The following SIPA1L1 variants were observed in gnomAD, a reference collection of about 807,000 sequenced individuals.
SIPA1L1 encodes signal induced proliferation associated 1 like 1, also known as signal-induced proliferation-associated 1-like protein 1.
Under a neutral mutation model 162.7 loss-of-function variants are expected in SIPA1L1, and 26 were observed. The observed-to-expected ratio is 0.16, with a 90% CI of 0.12 to 0.22. The LOEUF is 0.22. Among genes scored for constraint, SIPA1L1 ranks in the 10% least tolerant of loss-of-function variants. SIPA1L1 has a pLI of 1.00. For missense variants in SIPA1L1, 1,874 were observed against 2,241.0 expected (o/e 0.84, Z 3.31); for synonymous variants, 829 against 837.4 (o/e 0.99, Z 0.17).
intron 7 of SIPA1L1, among the ~76,000 whole-genome samples, chr14:71,630,429 A>T (rs903637020): frequency 6.6e-6 from 1 of 152,346 alleles, no homozygotes; most frequent in African/African-American, 2.4e-5. Context: ...TTTGGAAGAC[A>T]TGCGGCTGTG....
intron 4 of SIPA1L1, among the ~76,000 whole-genome samples, chr14:71,560,136 A>G (rs576304244): frequency 3.3e-5 from 5 of 152,310 alleles, no homozygotes; most frequent in African/African-American, 7.2e-5. Flanking sequence ...AATATTGTCT[A>G]CTTTTAGTAA....
intron 4 of SIPA1L1, among the ~76,000 whole-genome samples, chr14:71,543,960 T>TGTGTATATATACACATACGCAC (rs2054781451): frequency 6.7e-6 from 1 of 149,644 alleles, no homozygotes; most frequent in Non-Finnish European, 1.5e-5. Flanking sequence ...TACGCACATG[T>TGTGTATATATACACATACGCAC]ATGTATATAT....
At chr14:71,682,612 T>A (rs2149521969) in intron 12 of SIPA1L1, among the ~76,000 whole-genome samples, 1 of 152,352 alleles carries the variant, frequency 6.6e-6, no homozygotes, top group East Asian at 1.9e-4. Flanking sequence ...AGTTATATGT[T>A]ATGAGTGGTG....
chr14:71,640,202 G>A (rs533350643), intron 7 of SIPA1L1, among the ~76,000 whole-genome samples: 63 of 151,856 alleles, frequency 4.1e-4, no homozygotes, highest in Non-Finnish European at 7.2e-4. Flanking sequence ...CCAGGCCCCC[G>A]GCCTAAACCT....
intron 2 of SIPA1L1, among the ~76,000 whole-genome samples, chr14:71,340,595 AC>A (rs2035547438): frequency 6.6e-6 from 1 of 151,310 alleles, no homozygotes; most frequent in Non-Finnish European, 1.5e-5. Context: ...TGCTCCCCTA[AC>A]TTTCTGATGC....
intron 17 of SIPA1L1, among the ~76,000 whole-genome samples, chr14:71,721,911 G>A (rs963177139): frequency 6.6e-6 from 1 of 152,220 alleles, no homozygotes; most frequent in African/African-American, 2.4e-5. Flanking sequence ...GTCAGCTGGT[G>A]GCAGAACCAG....
chr14:71,572,472 A>G (rs1248821236), intron 4 of SIPA1L1, among the ~76,000 whole-genome samples: 1 of 152,234 alleles, frequency 6.6e-6, no homozygotes, highest in African/African-American at 2.4e-5. Flanking sequence ...GTAGTGGTCC[A>G]TCCAGGTGAG....
intron 10 of SIPA1L1, among the ~76,000 whole-genome samples, chr14:71,664,223 A>G (rs1244691467): frequency 6.6e-6 from 1 of 152,044 alleles, no homozygotes; most frequent in Non-Finnish European, 1.5e-5. Context: ...ACACCTGTGA[A>G]TTTTTCTCAA....
chr14:71,646,370 G>T (rs1366744153), intron 7 of SIPA1L1, among the ~76,000 whole-genome samples: 1 of 152,130 alleles, frequency 6.6e-6, no homozygotes, highest in Non-Finnish European at 1.5e-5. Flanking sequence ...TAGAGACGGG[G>T]TTTCACCGTG....
intron 4 of SIPA1L1, among the ~76,000 whole-genome samples, chr14:71,545,227 A>C (rs2055076017): frequency 6.6e-6 from 1 of 152,082 alleles, no homozygotes; most frequent in African/African-American, 2.4e-5. Context: ...TTTTAGAATC[A>C]TTTGTCATTA....
At chr14:71,330,361 C>T (rs2034375974) in intron 2 of SIPA1L1, 6 of 890,274 alleles carry the variant, frequency 6.7e-6, no homozygotes, top group Admixed American at 3.4e-5. Flanking sequence ...CTCTTTTTGG[C>T]GATGAAAATT....
At chr14:71,364,748 A>ATT (rs35338562) in intron 2 of SIPA1L1, among the ~76,000 whole-genome samples, 4 of 146,032 alleles carry the variant, frequency 2.7e-5, no homozygotes, top group Admixed American at 6.8e-5. Context: ...CAGAACATCA[A>ATT]TTTTTTTTTT....
chr14:71,332,342 T>A (rs1197029696), intron 2 of SIPA1L1, among the ~76,000 whole-genome samples: 1 of 152,178 alleles, frequency 6.6e-6, no homozygotes, highest in African/African-American at 2.4e-5. Context: ...GTGGCCCTTG[T>A]CAATGTTCTG....
At chr14:71,623,901 C>A in intron 6 of SIPA1L1, 147 bp from the exon 7 acceptor site, 1 of 615,524 alleles carries the variant, frequency 1.6e-6, no homozygotes. Context: ...TCACTTTTCT[C>A]ATTCTTTCTC....
intron 10 of SIPA1L1, among the ~76,000 whole-genome samples, chr14:71,669,683 G>A (rs1316918859): frequency 6.6e-6 from 1 of 152,106 alleles, no homozygotes; most frequent in Non-Finnish European, 1.5e-5. Context: ...AAGCCATATG[G>A]AAGTCTCTGA....
intron 2 of SIPA1L1, among the ~76,000 whole-genome samples, chr14:71,424,976 A>AT: frequency 6.6e-6 from 1 of 152,056 alleles, no homozygotes; most frequent in African/African-American, 2.4e-5. Context: ...TTTCTTCATA[A>AT]TTTAATGTTG....
At chr14:71,331,819 G>C (rs574555373) in intron 2 of SIPA1L1, among the ~76,000 whole-genome samples, 1 of 152,182 alleles carries the variant, frequency 6.6e-6, no homozygotes, top group South Asian at 2.1e-4. Flanking sequence ...CCACAGCACT[G>C]TTTTATATTT....
At chr14:71,666,254 G>A (rs1310711962) in intron 10 of SIPA1L1, among the ~76,000 whole-genome samples, 1 of 152,146 alleles carries the variant, frequency 6.6e-6, no homozygotes, top group Non-Finnish European at 1.5e-5. Context: ...AAAGACAGAG[G>A]AACATGTTTG....
intron 23 of SIPA1L1, among the ~76,000 whole-genome samples, 179 bp from the exon 24 acceptor site, chr14:71,738,839 C>T (rs1178977951): frequency 6.6e-6 from 1 of 152,120 alleles, no homozygotes; most frequent in East Asian, 1.9e-4. Context: ...CTCTAGAAGC[C>T]CTGCTCCCTG....
Sources: gnomAD v4.1 joint callset for allele counts (sites outside exome capture counted in the v4.1 genomes callset) on GRCh38, gnomAD v4.1.1 for gene constraint, MANE v1.5 for transcripts, NCBI Gene and HGNC (gene_info 2026-07-23, HGNC 2026-07-21) for gene names.